Variants in PCDHA5 observed in about 807,000 individuals in gnomAD.
The protein encoded by PCDHA5 is protocadherin alpha-5.
A neutral mutation model predicts 61.6 loss-of-function variants in PCDHA5; 43 were observed. The ratio of observed to expected loss-of-function variants is 0.70; its 90% CI spans 0.55 to 0.90. The LOEUF (loss-of-function observed/expected upper bound fraction) is 0.90, where lower values mean the gene tolerates loss of function less well. Ranked by LOEUF, PCDHA5 falls within the 40% of genes least tolerant of loss-of-function variation. PCDHA5 has a pLI of 0.00. For missense variants in PCDHA5, 1,298 were observed against 1,222.7 expected, an observed-to-expected ratio of 1.06 and a Z score of -0.92; for synonymous variants, 627 against 543.9, an observed-to-expected ratio of 1.15 and a Z score of -2.13.
intron 1 of PCDHA5, among the ~76,000 whole-genome samples, chr5:140,974,994 A>G (rs901871984): frequency 6.6e-6 from 1 of 152,126 alleles, no homozygotes; most frequent in South Asian, 2.1e-4. Context: ...AGGTATTCTC[A>G]AGGCTGAAAT....
intron 1 of PCDHA5, among the ~76,000 whole-genome samples, chr5:140,942,119 A>T (rs1180591078): frequency 6.6e-6 from 1 of 152,242 alleles, no homozygotes; most frequent in African/African-American, 2.4e-5. Context: ...AACTTTATTA[A>T]AGGTGATATT....
intron 1 of PCDHA5, chr5:140,876,257 T>A (rs781806447): frequency 6.2e-7 from 1 of 1,614,000 alleles, no homozygotes; most frequent in Non-Finnish European, 8.5e-7. Context: ...ACAAGAGTGA[T>A]CCAACTAAAT....
chr5:140,858,651 T>A, intron 1 of PCDHA5: 1 of 830,780 alleles, frequency 1.2e-6, no homozygotes, highest in Non-Finnish European at 1.8e-6. Context: ...GTACTTAAAT[T>A]TTTTTAAATA....
At chr5:140,875,947 GA>G in intron 1 of PCDHA5, 1 of 1,614,184 alleles carries the variant, frequency 6.2e-7, no homozygotes, top group Non-Finnish European at 8.5e-7. Context: ...GGGCGCTTCT[GA>G]TGCGGATATC....
At chr5:140,919,417 T>C (rs782439186) in intron 1 of PCDHA5, among the ~76,000 whole-genome samples, 16 of 152,226 alleles carry the variant, frequency 1.1e-4, no homozygotes, top group Admixed American at 5.2e-4. Context: ...AGACTGACAA[T>C]TCTGCCTTTT....
intron 1 of PCDHA5, among the ~76,000 whole-genome samples, chr5:140,886,184 G>T (rs894479887): frequency 6.6e-6 from 1 of 151,966 alleles, no homozygotes; most frequent in Admixed American, 6.6e-5. Flanking sequence ...GCCTAATGCT[G>T]GCAAGCAGTA....
chr5:140,912,007 C>A lies in PCDHA5; in HGVS notation c.2353-66942C>A, dbSNP rs572487277. Among the ~76,000 whole-genome samples, 3 of 152,282 alleles carry A rather than the reference C, an allele frequency of 2.0e-5. No homozygotes were observed. The East Asian group carries it at 5.8e-4, about 29-fold the overall frequency. On this transcript the variant is annotated intron_variant, in intron 1 of 3. Coordinates refer to ENST00000529859, the MANE Select transcript of PCDHA5 (RefSeq NM_018908.3). ...ACAAGGTCCCACAATAGGCCATCTGCAAGCTGAGGAGCAAGCAAGCCAATC... is the reference window on the plus strand; with the variant it reads ...ACAAGGTCCCACAATAGGCCATCTGAAAGCTGAGGAGCAAGCAAGCCAATC...
chr5:140,850,053 C>T, intron 1 of PCDHA5: 4 of 1,596,534 alleles, frequency 2.5e-6, no homozygotes, highest in Non-Finnish European at 3.4e-6. Context: ...GGTGTACGCG[C>T]TGCAGCCGTT....
intron 1 of PCDHA5, chr5:140,883,833 C>G: frequency 6.2e-7 from 1 of 1,612,590 alleles, no homozygotes; most frequent in Non-Finnish European, 8.5e-7. Flanking sequence ...GCGCTGCAGC[C>G]GTTGGACCAC....
chr5:140,946,765 T>C (rs1255265012), intron 1 of PCDHA5, among the ~76,000 whole-genome samples: 2 of 151,428 alleles, frequency 1.3e-5, no homozygotes, highest in African/African-American at 4.9e-5. Flanking sequence ...ATCTCATTCA[T>C]GTGGAATGTA....
chr5:140,881,491 C>A (rs1476916826), intron 1 of PCDHA5: 2 of 285,934 alleles, frequency 7.0e-6, no homozygotes, highest in Non-Finnish European at 1.1e-5. Flanking sequence ...TGTGTTTATG[C>A]ACATACACAC....
At chr5:140,914,542 T>C (rs1323797101) in intron 1 of PCDHA5, among the ~76,000 whole-genome samples, 2 of 152,202 alleles carry the variant, frequency 1.3e-5, no homozygotes, top group Non-Finnish European at 2.9e-5. Context: ...ACTTTATTTC[T>C]TTTTATTGGA....
intron 1 of PCDHA5, chr5:140,875,848 A>T: frequency 1.2e-6 from 2 of 1,614,188 alleles, no homozygotes; most frequent in East Asian, 2.2e-5. Context: ...GGTGAAGGAC[A>T]TTAACGACAA....
At chr5:140,877,748 G>T in intron 1 of PCDHA5, 1 of 1,614,188 alleles carries the variant, frequency 6.2e-7, no homozygotes, top group Non-Finnish European at 8.5e-7. Flanking sequence ...CAGAGGGTGT[G>T]CTCTGCAGAG....
chr5:140,921,165 A>G (rs959305878), intron 1 of PCDHA5, among the ~76,000 whole-genome samples: 1 of 151,798 alleles, frequency 6.6e-6, no homozygotes, highest in Admixed American at 6.6e-5. Context: ...TTTTTTTAAC[A>G]CACATAAAGC....
intron 1 of PCDHA5, among the ~76,000 whole-genome samples, chr5:140,925,533 A>C (rs1334031760): frequency 1.3e-5 from 2 of 152,062 alleles, no homozygotes; most frequent in Non-Finnish European, 2.9e-5. Flanking sequence ...AAGCGAGGAG[A>C]AATACCTAAT....
At chr5:141,005,321 A>C (rs1455149994) in intron 3 of PCDHA5, among the ~76,000 whole-genome samples, 1 of 152,182 alleles carries the variant, frequency 6.6e-6, no homozygotes, top group Admixed American at 6.5e-5. Context: ...AGTGGTAGAG[A>C]ATAATAGGCC....
chr5:140,910,019 T>C (rs2074838579), intron 1 of PCDHA5, among the ~76,000 whole-genome samples: 1 of 152,222 alleles, frequency 6.6e-6, no homozygotes, highest in Non-Finnish European at 1.5e-5. Flanking sequence ...CATCCTTGTA[T>C]CCCTGGGATA....
Position 140,843,193 on chromosome 5 carries a change from G to A in PCDHA5, c.2352+19066G>A, listed in dbSNP as rs2150355040. The A allele has an allele frequency of 5.0e-6, 8 of 1,595,932 alleles. 1 individual carries two copies. The highest frequency in any genetic ancestry group is 6.9e-6 in the Non-Finnish European group (8 of 1,165,582). On this transcript the variant is annotated intron_variant, in intron 1 of 3. Transcript: ENST00000529859. ...GCAGCCCTCGCATCCCGTTCCGCGTGGGGCTGTACACGGGCGAGATCAGCA... is the reference window on the plus strand; with the variant it reads ...GCAGCCCTCGCATCCCGTTCCGCGTAGGGCTGTACACGGGCGAGATCAGCA...
Sources: allele counts gnomAD v4.1 joint callset (sites outside exome capture counted in the v4.1 genomes callset), GRCh38; gene constraint gnomAD v4.1.1; transcripts MANE v1.5; gene names NCBI Gene and HGNC (gene_info 2026-07-23, HGNC 2026-07-21).